Variants in TENM4 observed in about 807,000 individuals in gnomAD.
TENM4 encodes the protein teneurin transmembrane protein 4.
Under a neutral mutation model 243.3 loss-of-function variants are expected in TENM4, and 82 were observed. The observed-to-expected ratio is 0.34, with a 90% CI of 0.28 to 0.40. The LOEUF is 0.40. Ranked by LOEUF, TENM4 falls within the 10% of genes least tolerant of loss-of-function variation. The pLI, the probability that TENM4 is intolerant of heterozygous loss-of-function variation, is 1.00. For missense variants in TENM4, 3,138 were observed against 3,673.3 expected, an observed-to-expected ratio of 0.85 and a Z score of 3.77; for synonymous variants, 1,412 against 1,456.3, an observed-to-expected ratio of 0.97 and a Z score of 0.69.
intron 6 of TENM4, among the ~76,000 whole-genome samples, chr11:78,979,881 T>G (rs1372819623): frequency 6.6e-6 from 1 of 152,222 alleles, no homozygotes; most frequent in Non-Finnish European, 1.5e-5. Flanking sequence ...TCTCTGGGTC[T>G]GAAATTTAGC....
At chr11:79,358,621 G>A (rs1415834758) in intron 1 of TENM4, among the ~76,000 whole-genome samples, 1 of 151,180 alleles carries the variant, frequency 6.6e-6, no homozygotes, top group East Asian at 1.9e-4. Flanking sequence ...CTCCCTTCCT[G>A]CCTGCCTGCC....
intron 2 of TENM4, among the ~76,000 whole-genome samples, chr11:79,225,496 A>T (rs1428547150): frequency 6.6e-6 from 1 of 152,068 alleles, no homozygotes; most frequent in Non-Finnish European, 1.5e-5. Context: ...CACTGCATGC[A>T]GCCTCTGCCT....
Position 79,089,117 on chromosome 11 carries a change from C to T in TENM4, c.-65-19108G>A, listed in dbSNP as rs367567041. On this transcript the variant is annotated intron_variant, in intron 4 of 33. Transcript: ENST00000278550. ...GAGGAGAGGAGAGCAATCCTTGAAA[C>T]AATTACCTTGGGTCACTGTGCAGGC... is the stretch of plus-strand genomic sequence containing the variant. 1.5e-3 allele frequency among the ~76,000 whole-genome samples: 221 copies of T among 152,288 alleles called. 2 individuals are homozygous for T. Among genetic ancestry groups the T allele is most frequent in the African/African-American group, 4.9e-3 (203 of 41,554 alleles).
chr11:78,676,048 G>T, intron 30 of TENM4, 104 bp downstream of exon 30: 1 of 1,113,712 alleles, frequency 9.0e-7, no homozygotes. Context: ...CCCTTTTGCA[G>T]ATGAGTGAAC....
chr11:79,300,929 A>G (rs971243611), intron 1 of TENM4, among the ~76,000 whole-genome samples: 1 of 152,076 alleles, frequency 6.6e-6, no homozygotes, highest in Non-Finnish European at 1.5e-5. Context: ...ACATGTTTTG[A>G]CACCCCCCTG....
At chr11:79,431,011 C>G (rs568031968) in intron 1 of TENM4, among the ~76,000 whole-genome samples, 1 of 152,202 alleles carries the variant, frequency 6.6e-6, no homozygotes, top group East Asian at 1.9e-4. Flanking sequence ...AGAAAGAGCA[C>G]AGGGACGCAC....
intron 12 of TENM4, among the ~76,000 whole-genome samples, chr11:78,829,315 C>T (rs1345007279): frequency 6.6e-6 from 1 of 152,148 alleles, no homozygotes; most frequent in Non-Finnish European, 1.5e-5. Flanking sequence ...ACTATGCCAT[C>T]AGACAGACGT....
At chr11:79,155,462 C>T (rs1862589665) in intron 3 of TENM4, among the ~76,000 whole-genome samples, 1 of 151,830 alleles carries the variant, frequency 6.6e-6, no homozygotes, top group Non-Finnish European at 1.5e-5. Context: ...TTTAAGAATG[C>T]CATTTCCTCA....
intron 3 of TENM4, among the ~76,000 whole-genome samples, chr11:79,165,625 A>C (rs1165752473): frequency 1.3e-5 from 2 of 152,176 alleles, no homozygotes; most frequent in African/African-American, 4.8e-5. Flanking sequence ...TTTGCTGTGC[A>C]AAAACCTTTT....
chr11:78,957,966 C>G (rs1219952843), intron 6 of TENM4, among the ~76,000 whole-genome samples: 1 of 151,158 alleles, frequency 6.6e-6, no homozygotes, highest in East Asian at 1.9e-4. Flanking sequence ...TGAAACAAAA[C>G]AAAAAAAACA....
At position 79,069,817 on chromosome 11, in the gene TENM4, T is replaced by G; in HGVS notation, c.128A>C (p.Glu43Ala). 3.2e-6 allele frequency: 5 copies of G among 1,551,152 alleles called. 1 individual carries two copies. In the Middle Eastern group the frequency reaches 8.3e-4, roughly 259 times the overall value. Residue 43 changes from glutamate to alanine, a missense_variant, in exon 5 of 34, where the codon GAG (glutamate) becomes GCG (alanine). Physicochemically the swap from Glu to Ala is moderately radical, Grantham distance 107. Transcript: ENST00000278550. ...GTCCTGGTCGTAGGCCTTCAGGGTC[T>G]CGCTGGAGCTGTACGATTTCTGCGG... ...KAPQKSYSSS[E>A]TLKAYDQDAR...
At chr11:79,412,743 C>A (rs890392977) in intron 1 of TENM4, among the ~76,000 whole-genome samples, 1 of 152,234 alleles carries the variant, frequency 6.6e-6, no homozygotes, top group African/African-American at 2.4e-5. Context: ...TTGGAAAACA[C>A]TCCTGATTAT....
rs780737376 is a variant in TENM4 at position 79,084,768 on chromosome 11, T to C, written c.-65-14759A>G. ...AAAAGAGGACTGCGAAGGAAACTTA[T>C]GGTGATGGAAATGTTCGTTGTCTTG... On this transcript the variant is annotated intron_variant, in intron 4 of 33. Transcript: ENST00000278550. Among the ~76,000 whole-genome samples the C allele has an allele frequency of 1.7e-4, 26 of 151,960 alleles. 1 individual carries two copies. Among genetic ancestry groups the C allele is most frequent in the Non-Finnish European group, 3.5e-4 (24 of 68,036 alleles).
intron 6 of TENM4, among the ~76,000 whole-genome samples, chr11:79,045,640 T>C (rs1048814766): frequency 2.6e-5 from 4 of 151,864 alleles, no homozygotes; most frequent in African/African-American, 9.7e-5. Flanking sequence ...CCACGGACAG[T>C]TAATGAGTGA....
At chr11:79,049,542 T>A (rs1158725878) in intron 6 of TENM4, among the ~76,000 whole-genome samples, 1 of 152,196 alleles carries the variant, frequency 6.6e-6, no homozygotes, top group Non-Finnish European at 1.5e-5. Flanking sequence ...CCTGCATCCT[T>A]AGAAAGCTCT....
chr11:78,949,603 G>C (rs1347673511), intron 6 of TENM4, among the ~76,000 whole-genome samples: 7 of 152,356 alleles, frequency 4.6e-5, no homozygotes, highest in Admixed American at 1.3e-4. Flanking sequence ...TTTTGTTGAA[G>C]CAGGCAGCAG....
chr11:79,418,367 C>T (rs10501442), intron 1 of TENM4, among the ~76,000 whole-genome samples: 11,524 of 152,176 alleles, frequency 0.076, 522 homozygotes, highest in Non-Finnish European at 0.098. Context: ...AGCAAAAACA[C>T]TGAAACTACA....
chr11:78,926,670 G>GTTTTT (rs965745140), intron 6 of TENM4, among the ~76,000 whole-genome samples: 2 of 133,200 alleles, frequency 1.5e-5, no homozygotes, highest in African/African-American at 6.5e-5. Flanking sequence ...AAATAAAGGT[G>GTTTTT]TTTTTTGTTT....
intron 25 of TENM4, among the ~76,000 whole-genome samples, chr11:78,716,689 T>G (rs1859528477): frequency 6.6e-6 from 1 of 152,242 alleles, no homozygotes; most frequent in Non-Finnish European, 1.5e-5. Flanking sequence ...TTGAGATCTC[T>G]CCAAGTGACT....
Sources: gnomAD v4.1 joint callset for allele counts (sites outside exome capture counted in the v4.1 genomes callset) on GRCh38, gnomAD v4.1.1 for gene constraint, MANE v1.5 for transcripts, NCBI Gene and HGNC (gene_info 2026-07-23, HGNC 2026-07-21) for gene names.